GADL1: variants seen among roughly 807,000 people sequenced by gnomAD.
GADL1 encodes GAD like acidic amino acid decarboxylase 1, also known as acidic amino acid decarboxylase GADL1.
A neutral mutation model predicts 69.5 loss-of-function variants in GADL1; 71 were observed. That is an observed-to-expected ratio of 1.02 (90% CI 0.84 to 1.25). The LOEUF (loss-of-function observed/expected upper bound fraction) is 1.25, where lower values mean the gene tolerates loss of function less well. GADL1 is among the 50% of genes most tolerant of loss of function. GADL1 has a pLI of 0.00. For missense variants in GADL1, 737 were observed against 631.8 expected (o/e 1.17, Z -1.79); for synonymous variants, 254 against 214.4 (o/e 1.18, Z -1.62).
At chr3:30,764,635 T>C (rs1696226172) in intron 14 of GADL1, among the ~76,000 whole-genome samples, 1 of 152,210 alleles carries the variant, frequency 6.6e-6, no homozygotes, top group South Asian at 2.1e-4. Flanking sequence ...GCTCAATAAA[T>C]ATATTGTTTG....
intron 14 of GADL1, among the ~76,000 whole-genome samples, chr3:30,756,346 G>A (rs922447392): frequency 3.9e-5 from 6 of 152,128 alleles, no homozygotes; most frequent in Non-Finnish European, 4.4e-5. Context: ...AAGTCCAAGT[G>A]AGATTGTGGA....
rs1300075352 is a variant in GADL1, at chr3:30,728,207, A to G, written c.*35T>C. ...TGTTCTGGATCTAAACTCTCCCAGG[A>G]TAGGATCTATGCCTCTGGGGGACCA... is the stretch of plus-strand genomic sequence containing the variant. On this transcript the variant is annotated 3_prime_UTR_variant, in exon 15 of 15. Transcript: ENST00000282538. 4 of 1,579,152 alleles carry G rather than the reference A, an allele frequency of 2.5e-6. No homozygotes were observed. In the Admixed American group the frequency reaches 6.7e-5, roughly 26 times the overall value.
intron 11 of GADL1, among the ~76,000 whole-genome samples, chr3:30,819,159 A>G (rs967908028): frequency 1.3e-5 from 2 of 151,756 alleles, no homozygotes; most frequent in African/African-American, 2.4e-5. Context: ...ACCTATTATC[A>G]TTTCATTTAC....
intron 14 of GADL1, among the ~76,000 whole-genome samples, chr3:30,772,260 AGC>A (rs1696434417): frequency 6.6e-6 from 1 of 152,246 alleles, no homozygotes; most frequent in African/African-American, 2.4e-5. Context: ...TCTGCAGGTC[AGC>A]AAATGGAAAA....
intron 13 of GADL1, among the ~76,000 whole-genome samples, chr3:30,780,849 C>T (rs796904598): frequency 4.1e-4 from 63 of 152,258 alleles, no homozygotes; most frequent in African/African-American, 1.5e-3. Flanking sequence ...AATATCTTTG[C>T]TTTGGTCATT....
At chr3:30,894,488 A>C in intron 1 of GADL1, 90 bp downstream of exon 1, 1 of 1,091,438 alleles carries the variant, frequency 9.2e-7, no homozygotes, top group South Asian at 1.5e-5. Context: ...AGAAATAACC[A>C]AACTTCTAGT....
chr3:30,869,302 A>G (rs551461575), intron 1 of GADL1, among the ~76,000 whole-genome samples: 1 of 151,902 alleles, frequency 6.6e-6, no homozygotes, highest in South Asian at 2.1e-4. Flanking sequence ...TGAATTTCAC[A>G]CTGGTTTTAA....
chr3:30,764,415 C>T (rs1444992646), intron 14 of GADL1, among the ~76,000 whole-genome samples: 1 of 152,172 alleles, frequency 6.6e-6, no homozygotes, highest in African/African-American at 2.4e-5. Flanking sequence ...AGCGAAACTA[C>T]AAGACTCCAG....
In GADL1 at chr3:30,727,516, T is replaced by A. The variant is rs1575175082; in HGVS notation, c.*726A>T. On this transcript the variant is annotated 3_prime_UTR_variant, in exon 15 of 15. Coordinates refer to ENST00000282538, the MANE Select transcript of GADL1 (RefSeq NM_207359.3). ...AGCCTGCATAAAACATAAATCTCTA[T>A]GAAGTAAACATCTTATACAGTTTCT... 1 of 152,064 alleles carries A rather than the reference T, an allele frequency of 6.6e-6. No individual in the cohort carries two copies. The highest frequency in any genetic ancestry group is 2.4e-5 in the African/African-American group (1 of 41,530). The allele number at this position is 152,064 out of a possible 1,614,324, so 9.4% of individuals were successfully genotyped here.
At position 30,850,956 on chromosome 3, in the gene GADL1, A is replaced by G. The variant is rs1236006720; in HGVS notation, c.429-15T>C. 4.3e-6 allele frequency: 6 copies of G among 1,382,798 alleles called. No homozygotes were observed. The African/African-American group carries it at 8.6e-5, about 20-fold the overall frequency. The allele number at this position is 1,382,798 out of a possible 1,614,324, so 85.7% of individuals were successfully genotyped here. A position where few individuals can be genotyped will look rare whatever the true frequency, so the allele number is the denominator to read the frequency against. ...CATACGTATAACTAGATAGATATAA[A>G]AAACACTTCACTTCTATGACTAGAG... On this transcript the variant is annotated splice_polypyrimidine_tract_variant and intron_variant, in intron 4 of 14. Coordinates refer to ENST00000282538, the MANE Select transcript of GADL1 (RefSeq NM_207359.3).
chr3:30,858,354 T>C (rs1698260425), intron 2 of GADL1, among the ~76,000 whole-genome samples: 1 of 152,018 alleles, frequency 6.6e-6, no homozygotes, highest in Non-Finnish European at 1.5e-5. Context: ...GGATCATATT[T>C]GTGTTTGGGG....
chr3:30,778,785 G>C (rs923397104), intron 13 of GADL1: 5 of 143,170 alleles, frequency 3.5e-5, no homozygotes, highest in African/African-American at 1.5e-4. Context: ...AGCCAATACT[G>C]CTTTTGAAAA....
Position 30,732,632 on chromosome 3 carries a change from G to A in GADL1, c.1393-4217C>T, listed in dbSNP as rs1292851239. The stretch of plus-strand genomic sequence containing the variant: ...TCTTTCTGACCAAGCAGGGCAATTC[G>A]ATAAAAAGCTTCTGACCAGGCATCA... On this transcript the variant is annotated intron_variant, in intron 14 of 14. Coordinates refer to ENST00000282538, the MANE Select transcript of GADL1 (RefSeq NM_207359.3). Among the ~76,000 whole-genome samples, 3 of 152,136 alleles carry A rather than the reference G, an allele frequency of 2.0e-5. No individual in the cohort carries two copies. The South Asian group carries it at 6.2e-4, about 32-fold the overall frequency.
chr3:30,785,192 G>C (rs572980689), intron 13 of GADL1, among the ~76,000 whole-genome samples: 1 of 151,264 alleles, frequency 6.6e-6, no homozygotes, highest in African/African-American at 2.4e-5. Context: ...ATGTTTTATT[G>C]TTTTAAGACT....
intron 8 of GADL1, among the ~76,000 whole-genome samples, chr3:30,840,036 A>G (rs1319575792): frequency 6.6e-6 from 1 of 151,874 alleles, no homozygotes; most frequent in Non-Finnish European, 1.5e-5. Flanking sequence ...GAGGGGAGCA[A>G]GTAGAATATT....
intron 6 of GADL1, 65 bp from the exon 7 acceptor site, chr3:30,844,531 T>C: frequency 1.9e-6 from 2 of 1,052,336 alleles, no homozygotes; most frequent in South Asian, 2.6e-5. Context: ...AAGCATTGCT[T>C]ATTATCAAAG....
At chr3:30,806,587 G>T (rs1263854138) in intron 11 of GADL1, among the ~76,000 whole-genome samples, 2 of 152,194 alleles carry the variant, frequency 1.3e-5, no homozygotes, top group Admixed American at 1.3e-4. Flanking sequence ...AGGCATTTCA[G>T]ATGGGAATAG....
At chr3:30,762,678 T>C (rs795437) in intron 14 of GADL1, among the ~76,000 whole-genome samples, 52,911 of 152,044 alleles carry the variant, frequency 0.35, 10,957 homozygotes, top group Non-Finnish European at 0.46. Context: ...AGTCACTCTA[T>C]TGTGCAGTCA....
chr3:30,812,201 A>C (rs943806905), intron 11 of GADL1, among the ~76,000 whole-genome samples: 5 of 152,204 alleles, frequency 3.3e-5, no homozygotes, highest in Non-Finnish European at 7.3e-5. Context: ...AGTCTTAATC[A>C]GTGGAAGGAA....
Sources: allele counts gnomAD v4.1 joint callset (sites outside exome capture counted in the v4.1 genomes callset), GRCh38; gene constraint gnomAD v4.1.1; transcripts MANE v1.5; gene names NCBI Gene and HGNC (gene_info 2026-07-23, HGNC 2026-07-21).